DLC1: variants seen among roughly 807,000 people sequenced by gnomAD.
The protein encoded by DLC1 is DLC1 Rho GTPase activating protein.
DLC1 carries 54 observed loss-of-function variants against 140.3 expected under a neutral mutation model. That is an observed-to-expected ratio of 0.38 (90% confidence interval 0.31 to 0.48). DLC1 has a LOEUF of 0.48. DLC1 is among the 20% of genes least tolerant of loss of function. The pLI is 0.96. For missense variants in DLC1, 2,536 were observed against 1,907.0 expected, an observed-to-expected ratio of 1.33 and a Z score of -6.14; for synonymous variants, 986 against 728.1, an observed-to-expected ratio of 1.35 and a Z score of -5.70.
chr8:13,426,776 C>G (rs1413481656), intron 2 of DLC1, among the ~76,000 whole-genome samples: 1 of 137,868 alleles, frequency 7.3e-6, no homozygotes, highest in African/African-American at 2.6e-5. Context: ...TTGCCTCGTT[C>G]TTATATATAT....
intron 2 of DLC1, among the ~76,000 whole-genome samples, chr8:13,446,502 T>A (rs1798781819): frequency 6.6e-6 from 1 of 151,168 alleles, no homozygotes. Context: ...CATCATACAC[T>A]GGAGCCAGTG....
intron 1 of DLC1, among the ~76,000 whole-genome samples, chr8:13,588,888 A>C (rs2117467299): frequency 6.6e-6 from 1 of 152,174 alleles, no homozygotes; most frequent in African/African-American, 2.4e-5. Flanking sequence ...TTTTGGGATA[A>C]GTGAGGAGGG....
chr8:13,566,620 C>G (rs1396945686), intron 1 of DLC1, among the ~76,000 whole-genome samples: 5 of 152,200 alleles, frequency 3.3e-5, no homozygotes, highest in Non-Finnish European at 4.4e-5. Context: ...CTATTGGTCT[C>G]ACACACGTGT....
intron 5 of DLC1, among the ~76,000 whole-genome samples, chr8:13,251,414 C>A (rs1829998715): frequency 6.6e-6 from 1 of 152,008 alleles, no homozygotes; most frequent in African/African-American, 2.4e-5. Context: ...AATCTGGTAT[C>A]AATTTGGGAT....
intron 4 of DLC1, among the ~76,000 whole-genome samples, chr8:13,382,982 G>C (rs1836342929): frequency 6.6e-6 from 1 of 152,186 alleles, no homozygotes; most frequent in Non-Finnish European, 1.5e-5. Flanking sequence ...AGTTGAAAGA[G>C]ATCATATGAG....
At chr8:13,173,496 C>G (rs1009888070) in intron 5 of DLC1, among the ~76,000 whole-genome samples, 1 of 151,912 alleles carries the variant, frequency 6.6e-6, no homozygotes, top group Non-Finnish European at 1.5e-5. Context: ...CTCAGCCTCC[C>G]GAGTAGCTGG....
chr8:13,158,728 CA>C (rs1824437863), intron 5 of DLC1, among the ~76,000 whole-genome samples: 259 of 19,788 alleles, frequency 0.013, no homozygotes, highest in Non-Finnish European at 0.025. Flanking sequence ...TCACAACCAC[CA>C]CCCTCCCCCC....
At chr8:13,120,370 T>TATA (rs369581778) in intron 5 of DLC1, among the ~76,000 whole-genome samples, 1 of 110,874 alleles carries the variant, frequency 9.0e-6, no homozygotes, top group Non-Finnish European at 1.9e-5. Flanking sequence ...TATATATATA[T>TATA]AAAATGTATA....
intron 2 of DLC1, among the ~76,000 whole-genome samples, chr8:13,404,535 A>C (rs1585049669): frequency 6.6e-6 from 1 of 152,232 alleles, no homozygotes; most frequent in East Asian, 1.9e-4. Flanking sequence ...AGTCAACATA[A>C]TAACATACTA....
chr8:13,381,046 C>T (rs1836229723), intron 4 of DLC1, among the ~76,000 whole-genome samples: 1 of 152,148 alleles, frequency 6.6e-6, no homozygotes, highest in South Asian at 2.1e-4. Flanking sequence ...ACATGGAGGG[C>T]TTGACATGAG....
intron 5 of DLC1, among the ~76,000 whole-genome samples, chr8:13,223,037 A>T (rs1346551942): frequency 1.3e-5 from 2 of 152,146 alleles, no homozygotes; most frequent in African/African-American, 2.4e-5. Context: ...ATAGGTATGA[A>T]CCACCATGCT....
intron 5 of DLC1, among the ~76,000 whole-genome samples, chr8:13,126,810 G>A (rs1438155872): frequency 2.6e-5 from 4 of 152,128 alleles, no homozygotes; most frequent in South Asian, 4.1e-4. Flanking sequence ...ATAGTTCTGC[G>A]ATAGCACAGG....
At chr8:13,551,951 C>G (rs1585266412) in intron 1 of DLC1, among the ~76,000 whole-genome samples, 1 of 141,156 alleles carries the variant, frequency 7.1e-6, no homozygotes, top group African/African-American at 2.6e-5. Context: ...ATATGTACCT[C>G]TAGACAGGTG....
At chr8:13,196,122 ACACACACG>A (rs1827039330) in intron 5 of DLC1, among the ~76,000 whole-genome samples, 1 of 150,470 alleles carries the variant, frequency 6.6e-6, no homozygotes, top group African/African-American at 2.5e-5. Flanking sequence ...ACACACACAC[ACACACACG>A]TGAACTCGAA....
At chr8:13,464,126 G>A (rs7846439) in intron 2 of DLC1, among the ~76,000 whole-genome samples, 84,210 of 151,922 alleles carry the variant, frequency 0.55, 23,505 homozygotes, top group East Asian at 0.61. Context: ...ATTTCTTGGA[G>A]GACACAGAGA....
intron 2 of DLC1, among the ~76,000 whole-genome samples, chr8:13,469,281 T>C (rs991292298): frequency 5.9e-5 from 9 of 152,240 alleles, no homozygotes; most frequent in Non-Finnish European, 1.2e-4. Context: ...CTGAGATCAA[T>C]ACTGCTTTGA....
chr8:13,205,974 A>T (rs1194997346), intron 5 of DLC1, among the ~76,000 whole-genome samples: 1 of 152,220 alleles, frequency 6.6e-6, no homozygotes, highest in Non-Finnish European at 1.5e-5. Context: ...GATCAAGAAG[A>T]CTATTAAAAT....
intron 1 of DLC1, among the ~76,000 whole-genome samples, chr8:13,551,850 C>A (rs2046183): frequency 1.4e-5 from 2 of 141,480 alleles, no homozygotes; most frequent in South Asian, 2.2e-4. Flanking sequence ...ATATATGCAC[C>A]TCTAGACAAG....
At chr8:13,111,007 C>A (rs1820061736) in intron 6 of DLC1, among the ~76,000 whole-genome samples, 184 bp from the exon 7 acceptor site, 2 of 152,148 alleles carry the variant, frequency 1.3e-5, no homozygotes, top group African/African-American at 4.8e-5. Flanking sequence ...GCATCACTGT[C>A]CTAAAGGAGC....
Sources: gnomAD v4.1 joint callset for allele counts (sites outside exome capture counted in the v4.1 genomes callset) on GRCh38, gnomAD v4.1.1 for gene constraint, MANE v1.5 for transcripts, NCBI Gene and HGNC (gene_info 2026-07-23, HGNC 2026-07-21) for gene names.